ULK2: variants seen among roughly 807,000 people sequenced by gnomAD.
ULK2 encodes the protein serine/threonine-protein kinase ULK2.
In ULK2, 76 loss-of-function variants were observed where a neutral mutation model predicts 127.5. The observed-to-expected ratio is 0.60, with a 90% CI of 0.50 to 0.72. The LOEUF (loss-of-function observed/expected upper bound fraction) is 0.72, where lower values mean the gene tolerates loss of function less well. Ranked by LOEUF, ULK2 falls within the 30% of genes least tolerant of loss-of-function variation. ULK2 has a pLI of 0.00. For synonymous variants in ULK2, 452 were observed against 461.9 expected, an observed-to-expected ratio of 0.98 and a Z score of 0.28; for missense variants, 1,144 against 1,295.9, an observed-to-expected ratio of 0.88 and a Z score of 1.80.
chr17:19,857,171 TGGCGGG>T (rs1462078049), intron 3 of ULK2, among the ~76,000 whole-genome samples: 1 of 148,348 alleles, frequency 6.7e-6, no homozygotes, highest in Non-Finnish European at 1.5e-5. Flanking sequence ...CCAGGTGTGG[TGGCGGG>T]GCGCCTGTAA....
intron 13 of ULK2, among the ~76,000 whole-genome samples, chr17:19,814,456 T>TTTTTTGTTTG (rs1555557159): frequency 1.1e-4 from 2 of 18,252 alleles, no homozygotes; most frequent in African/African-American, 1.9e-4. Context: ...TTTTTTTTTT[T>TTTTTTGTTTG]TTTTTTTGGA....
At chr17:19,825,983 T>A (rs1402434561) in intron 11 of ULK2, among the ~76,000 whole-genome samples, 156 bp downstream of exon 11, 3 of 12,340 alleles carry the variant, frequency 2.4e-4, no homozygotes, top group Non-Finnish European at 3.9e-4. Context: ...CGAAACTCCA[T>A]CTCAAAAAAA....
intron 23 of ULK2, 130 bp from the exon 24 acceptor site, chr17:19,781,234 TTTC>T (rs1374639095): frequency 1.5e-5 from 10 of 657,720 alleles, no homozygotes; most frequent in Admixed American, 3.2e-5. Context: ...TCTTTTCTTC[TTTC>T]TTTTCTTTTT....
Position 19,867,394 on chromosome 17 carries a change from C to T in ULK2, c.24G>A (p.Glu8=). MEVVGDF[E]YSKRDLVGHG... ...GTCCCACGAGATCCCTCTTGCTGTA[C>T]TCGAAGTCACCCACCACCTCCATGG... The change falls in exon 1 of 27, where the codon GAG becomes GAA. Residue 8 remains glutamate, a synonymous_variant. Transcript: ENST00000395544. The T allele has an allele frequency of 6.2e-7, 1 of 1,600,906 alleles. No individual in the cohort carries two copies. The highest frequency in any genetic ancestry group is 1.1e-5 in the South Asian group (1 of 89,578).
intron 3 of ULK2, among the ~76,000 whole-genome samples, chr17:19,862,701 G>A (rs1206563312): frequency 6.6e-6 from 1 of 151,836 alleles, no homozygotes; most frequent in Non-Finnish European, 1.5e-5. Context: ...CCCAACCTCA[G>A]GTGACCCACC....
intron 17 of ULK2, among the ~76,000 whole-genome samples, chr17:19,798,852 C>T (rs1189908810): frequency 2.0e-5 from 3 of 152,134 alleles, no homozygotes; most frequent in African/African-American, 7.2e-5. Context: ...GATGCTGACT[C>T]ATGGCTCTTA....
intron 12 of ULK2, among the ~76,000 whole-genome samples, chr17:19,817,230 C>T (rs2041012354): frequency 6.6e-6 from 1 of 152,168 alleles, no homozygotes; most frequent in South Asian, 2.1e-4. Flanking sequence ...ATCACAACAT[C>T]CCCCGGTTCT....
At chr17:19,824,057 T>C (rs533072776) in intron 12 of ULK2, among the ~76,000 whole-genome samples, 12 of 152,240 alleles carry the variant, frequency 7.9e-5, no homozygotes, top group Admixed American at 2.0e-4. Flanking sequence ...AAAAAAGGTG[T>C]CCTATATGAC....
intron 12 of ULK2, among the ~76,000 whole-genome samples, chr17:19,823,387 C>A (rs1467895394): frequency 6.6e-6 from 1 of 152,062 alleles, no homozygotes; most frequent in Admixed American, 6.6e-5. Flanking sequence ...CCCCAAAATG[C>A]TCTCTCCAGT....
chr17:19,825,155 G>C lies in ULK2; in HGVS notation c.863C>G (p.Ser288Cys), dbSNP rs373026240. 3.5e-5 allele frequency: 56 copies of C among 1,614,062 alleles called. No individual in the cohort carries two copies. The highest frequency in any genetic ancestry group is 4.5e-5 in the Non-Finnish European group (53 of 1,180,038). The stretch of plus-strand genomic sequence containing the variant: ...ACAGGAGCTTCCAGAGACAGAACCA[G>C]AATACATGGGCACTGGAACTGGGCA... ...KSCPVPVPMY[S>C]GSVSGSSCGS... Residue 288 changes from serine (S) to cysteine (C), a missense_variant, in exon 12 of 27, where the codon TCT (serine) becomes TGT (cysteine). Ser to Cys is a moderately radical substitution (Grantham distance 112). Around this residue, in one of 2 missense-constraint regions of ULK2, gnomAD observed 913 missense variants for 970.5 expected, o/e 0.94. Coordinates refer to ENST00000395544, the MANE Select transcript of ULK2 (RefSeq NM_014683.4).
chr17:19,780,735 A>T lies in ULK2; in HGVS notation c.2759-106T>A, dbSNP rs184811466. 8 of 1,259,472 alleles carry T rather than the reference A, an allele frequency of 6.4e-6. No individual in the cohort carries two copies. The Admixed American group carries it at 2.0e-4, about 32-fold the overall frequency. 78.0% of individuals were successfully genotyped at this position (1,259,472 alleles called of 1,614,324 possible). ...TATATAGGGAAGGTGTCACTATGTG[A>T]TCATTCAAAAAAAGGACCAGAAATA... On this transcript the variant is annotated intron_variant, in intron 24 of 26. Coordinates refer to ENST00000395544, the MANE Select transcript of ULK2 (RefSeq NM_014683.4).
Position 19,795,666 on chromosome 17 carries a change from TGATGTCGACATATAG to T in ULK2, c.2042_2056del (p.Pro681_His685del), listed in dbSNP as rs2087252739. The T allele has an allele frequency of 6.2e-7, 1 of 1,614,172 alleles. No individual in the cohort carries two copies. Among genetic ancestry groups the T allele is most frequent in the East Asian group, 2.2e-5 (1 of 44,868 alleles). On this transcript the variant is annotated inframe_deletion, in exon 20 of 27. Transcript: ENST00000395544. ...TGTATTTAAACTGTCTGTGCTGCCC[TGATGTCGACATATAG>T]GAGTCTTTCCTTGTTGATCTGATAA...
Position 19,789,408 on chromosome 17 carries a change from A to G in ULK2, c.2102-3322T>C, listed in dbSNP as rs575168074. On this transcript the variant is annotated intron_variant, in intron 20 of 26. Coordinates refer to ENST00000395544, the MANE Select transcript of ULK2 (RefSeq NM_014683.4). Reference sequence around the variant, plus strand: ...AGCCCAAGTCCCGTCAAATACCTGGAAAGTCTCCCCAAGAAGGACGGGTAC... The same window carrying G: ...AGCCCAAGTCCCGTCAAATACCTGGGAAGTCTCCCCAAGAAGGACGGGTAC... Among the ~76,000 whole-genome samples, 203 of 152,356 alleles carry G rather than the reference A, an allele frequency of 1.3e-3. 1 individual carries two copies. Among genetic ancestry groups the G allele is most frequent in the Non-Finnish European group, 2.5e-3 (170 of 68,042 alleles).
At chr17:19,818,812 T>G (rs2041062739) in intron 12 of ULK2, among the ~76,000 whole-genome samples, 1 of 141,592 alleles carries the variant, frequency 7.1e-6, no homozygotes, top group Admixed American at 7.1e-5. Context: ...TTTTTTTTTT[T>G]TTTTTTGAGA....
intron 10 of ULK2, among the ~76,000 whole-genome samples, chr17:19,828,624 T>C (rs1434941827): frequency 6.6e-6 from 1 of 151,936 alleles, no homozygotes; most frequent in Non-Finnish European, 1.5e-5. Context: ...CACATTACTA[T>C]AAAAAACAAC....
chr17:19,786,739 G>T (rs898403388), intron 20 of ULK2, among the ~76,000 whole-genome samples: 10 of 148,858 alleles, frequency 6.7e-5, no homozygotes, highest in African/African-American at 2.5e-4. Context: ...AGAAAGAAAA[G>T]AAATCAAAAT....
rs1483149354 is a variant in ULK2, at chr17:19,849,593, T to C, written c.258+149A>G. ...AGAATCTAGATCACTGAATCAACTTTATTAATACAAAAATTCAAATAATCT... is the reference window on the plus strand; with the variant it reads ...AGAATCTAGATCACTGAATCAACTTCATTAATACAAAAATTCAAATAATCT... On this transcript the variant is annotated intron_variant, in intron 4 of 26. Transcript: ENST00000395544. 6.1e-6 allele frequency: 5 copies of C among 822,004 alleles called. No homozygotes were observed. The East Asian group carries it at 1.4e-4, about 23-fold the overall frequency. 50.9% of individuals were successfully genotyped at this position (822,004 alleles called of 1,614,324 possible). A position where few individuals can be genotyped will look rare whatever the true frequency, so the allele number is the denominator to read the frequency against.
intron 12 of ULK2, among the ~76,000 whole-genome samples, chr17:19,822,767 A>C (rs1039563147): frequency 5.4e-5 from 8 of 148,622 alleles, no homozygotes; most frequent in African/African-American, 2.0e-4. Flanking sequence ...GCTCACTGCA[A>C]CCTCCGCCTC....
chr17:19,848,720 T>C (rs899740282), intron 5 of ULK2, among the ~76,000 whole-genome samples: 15 of 151,484 alleles, frequency 9.9e-5, no homozygotes, highest in African/African-American at 3.4e-4. Flanking sequence ...GAGGTTGCAG[T>C]GAGCCAAGAA....
Sources: gnomAD v4.1 joint callset for allele counts (sites outside exome capture counted in the v4.1 genomes callset) on GRCh38, gnomAD v4.1.1 for gene constraint, gnomAD v4.1.1 regional missense constraint, MANE v1.5 for transcripts, NCBI Gene and HGNC (gene_info 2026-07-23, HGNC 2026-07-21) for gene names.